The following KDM6A variants were observed in gnomAD, a reference collection of about 807,000 sequenced individuals.
The protein encoded by KDM6A is lysine demethylase 6A, also known as lysine-specific demethylase 6A.
A neutral mutation model predicts 117.6 loss-of-function variants in KDM6A; 11 were observed. The observed-to-expected ratio is 0.09, with a 90% CI of 0.06 to 0.15. The LOEUF (loss-of-function observed/expected upper bound fraction) is 0.15, where lower values mean the gene tolerates loss of function less well. Among genes scored for constraint, KDM6A ranks in the 10% least tolerant of loss-of-function variants. The pLI is 1.00. For missense variants in KDM6A, 799 were observed against 1,077.3 expected, an observed-to-expected ratio of 0.74 and a Z score of 3.62; for synonymous variants, 384 against 396.1, an observed-to-expected ratio of 0.97 and a Z score of 0.36.
Position 44,932,951 on chromosome X carries a change from G to A in KDM6A, c.226-28333G>A, listed in dbSNP as rs757085176. Among the ~76,000 whole-genome samples the A allele has an allele frequency of 2.9e-5, 3 of 104,393 alleles. No homozygotes were observed. In the South Asian group the frequency reaches 1.3e-3, roughly 45 times the overall value. The allele number at this position is 104,393 out of a possible 115,157, so 90.7% of individuals were successfully genotyped here. ...TGCCCAGGCTGGAGTGTAATGGTGT[G>A]ATCTCGGCTCACTGCAACCTCTGCC... On this transcript the variant is annotated intron_variant, in intron 2 of 29. Coordinates refer to ENST00000611820, the MANE Select transcript of KDM6A (RefSeq NM_001291415.2).
At chrX:45,085,506 T>G (rs1370878986) in intron 24 of KDM6A, among the ~76,000 whole-genome samples, 4 of 111,938 alleles carry the variant, frequency 3.6e-5, no homozygotes, top group Admixed American at 9.5e-5. Context: ...TTATAGAGAT[T>G]ATTATTATCT....
At chrX:45,089,720 G>C (rs1432790590) in intron 25 of KDM6A, 23 bp from the exon 26 acceptor site, 3 of 1,108,086 alleles carry the variant, frequency 2.7e-6, no homozygotes, top group Non-Finnish European at 3.7e-6. Context: ...TGATCCATTT[G>C]CATTATTTTT....
intron 3 of KDM6A, among the ~76,000 whole-genome samples, chrX:44,963,483 G>GTGTGTGTCTGTCTGTCTGTCTGTCTGTC (rs1481840859): frequency 8.8e-4 from 36 of 40,881 alleles, no homozygotes; most frequent in African/African-American, 2.6e-3. Context: ...GTGTGTGTGT[G>GTGTGTGTCTGTCTGTCTGTCTGTCTGTC]TGTCTGTCTG....
Position 45,070,015 on chromosome X carries a change from A to C in KDM6A, c.2516A>C (p.Lys839Thr), listed in dbSNP as rs998152241. The part of the protein sequence containing the change: ...NPQLSALLMG[K>T]ANNNVGTGTC... ...CAGCTCTCTGCCTTGTTGATGGGAAAAGCCAATAACAATGTGGGTACTGGA... is the reference window on the plus strand; with the variant it reads ...CAGCTCTCTGCCTTGTTGATGGGAACAGCCAATAACAATGTGGGTACTGGA... The change falls in exon 18 of 30, where the codon AAA becomes ACA. Residue 839 changes from lysine to threonine, a missense_variant. Lys to Thr is a moderately conservative substitution (Grantham distance 78). Coordinates refer to ENST00000611820, the MANE Select transcript of KDM6A (RefSeq NM_001291415.2). The C allele has an allele frequency of 1.7e-6, 2 of 1,209,788 alleles. No homozygotes were observed. Among genetic ancestry groups the C allele is most frequent in the African/African-American group, 3.5e-5 (2 of 57,210 alleles).
intron 3 of KDM6A, among the ~76,000 whole-genome samples, chrX:44,969,329 G>A (rs2147229383): frequency 9.1e-6 from 1 of 109,975 alleles, no homozygotes; most frequent in South Asian, 3.9e-4. Flanking sequence ...GTTACAAATG[G>A]CCAGGGCAAG....
At chrX:44,894,028 A>G (rs2033601014) in intron 2 of KDM6A, among the ~76,000 whole-genome samples, 1 of 112,019 alleles carries the variant, frequency 8.9e-6, no homozygotes, top group Non-Finnish European at 1.9e-5. Context: ...TTGTTGGATT[A>G]CATTTGCTAA....
intron 10 of KDM6A, among the ~76,000 whole-genome samples, chrX:45,057,485 TTGGCC>T (rs2044122030): frequency 9.0e-6 from 1 of 111,649 alleles, no homozygotes; most frequent in Non-Finnish European, 1.9e-5. Context: ...CACTCCAATT[TTGGCC>T]TGTTCTAAAC....
chrX:44,988,536 T>A (rs2040380535), intron 4 of KDM6A, among the ~76,000 whole-genome samples: 1 of 111,189 alleles, frequency 9.0e-6, no homozygotes, highest in African/African-American at 3.3e-5. Flanking sequence ...CCCATCTTTG[T>A]GGTTTTATCT....
intron 4 of KDM6A, among the ~76,000 whole-genome samples, chrX:44,977,104 A>G (rs1395316717): frequency 9.0e-6 from 1 of 111,323 alleles, no homozygotes; most frequent in African/African-American, 3.3e-5. Context: ...ACAACTTTTT[A>G]TTGCTTGTGT....
chrX:44,897,080 A>G (rs1485779468), intron 2 of KDM6A, among the ~76,000 whole-genome samples: 1 of 104,216 alleles, frequency 9.6e-6, no homozygotes, highest in Non-Finnish European at 1.9e-5. Flanking sequence ...ATCTTCTGGG[A>G]CTCTGAGAAG....
chrX:44,985,071 A>G (rs1283810333), intron 4 of KDM6A, among the ~76,000 whole-genome samples: 2 of 109,279 alleles, frequency 1.8e-5, no homozygotes, highest in African/African-American at 6.7e-5. Context: ...ATTTGTTTGT[A>G]TCCTCTTTTA....
intron 6 of KDM6A, among the ~76,000 whole-genome samples, chrX:45,025,287 C>T (rs886362916): frequency 9.0e-6 from 1 of 111,399 alleles, no homozygotes; most frequent in Non-Finnish European, 1.9e-5. Context: ...CTCAGCCTCC[C>T]GAGTAGCTGG....
chrX:44,953,215 G>T, intron 2 of KDM6A, among the ~76,000 whole-genome samples: 1 of 111,472 alleles, frequency 9.0e-6, no homozygotes. Flanking sequence ...CTACTCTGCG[G>T]ATCTCAGCTA....
intron 4 of KDM6A, among the ~76,000 whole-genome samples, chrX:45,005,452 G>A (rs926935782): frequency 2.7e-5 from 3 of 111,365 alleles, no homozygotes; most frequent in African/African-American, 9.8e-5. Flanking sequence ...CTCCAACAGA[G>A]GGCATAGCCT....
At chrX:45,042,292 GGGAGAGGGGAGAGGGAGA>G (rs2043298668) in intron 8 of KDM6A, among the ~76,000 whole-genome samples, 1 of 73,669 alleles carries the variant, frequency 1.4e-5, no homozygotes, top group African/African-American at 9.9e-5. Context: ...GAGGGGAGAG[GGGAGAGGGGAGAGGGAGA>G]GTCATTTGAT....
chrX:45,025,031 G>A (rs928291605), intron 6 of KDM6A, among the ~76,000 whole-genome samples: 27 of 112,371 alleles, frequency 2.4e-4, no homozygotes, highest in East Asian at 8.4e-4. Context: ...TTCTTAATTC[G>A]TGAACTAGTT....
intron 3 of KDM6A, among the ~76,000 whole-genome samples, chrX:44,967,921 T>A (rs1371858639): frequency 8.9e-6 from 1 of 112,662 alleles, no homozygotes; most frequent in Non-Finnish European, 1.9e-5. Flanking sequence ...GTCATTTTAC[T>A]TGTAGGAATT....
At chrX:45,002,856 T>TC (rs1165393624) in intron 4 of KDM6A, among the ~76,000 whole-genome samples, 189 of 28,869 alleles carry the variant, frequency 6.5e-3, no homozygotes, top group African/African-American at 8.2e-3. Context: ...ATTCTTCCCC[T>TC]CCCCGCCCCC....
chrX:45,075,788 G>A (rs1268163505), intron 18 of KDM6A, among the ~76,000 whole-genome samples: 1 of 111,310 alleles, frequency 9.0e-6, no homozygotes, highest in African/African-American at 3.3e-5. Context: ...TCCTTCTTAA[G>A]TTACTGAGTT....
Sources: gnomAD v4.1 joint callset for allele counts (sites outside exome capture counted in the v4.1 genomes callset) on GRCh38, gnomAD v4.1.1 for gene constraint, MANE v1.5 for transcripts, NCBI Gene and HGNC (gene_info 2026-07-23, HGNC 2026-07-21) for gene names.